MTURN: variants seen among roughly 807,000 people sequenced by gnomAD.
MTURN encodes maturin, neural progenitor differentiation regulator homolog, also known as maturin.
Under a neutral mutation model 14.9 loss-of-function variants are expected in MTURN, and 7 were observed. The observed-to-expected ratio is 0.47, with a 90% CI of 0.27 to 0.88. MTURN has a LOEUF of 0.88. Ranked by LOEUF, MTURN falls within the 40% of genes least tolerant of loss-of-function variation. The pLI is 0.14. For synonymous variants in MTURN, 69 were observed against 72.5 expected (o/e 0.95, Z 0.25); for missense variants, 151 against 174.1 (o/e 0.87, Z 0.75).
intron 1 of MTURN, 42 bp from the exon 2 acceptor site, chr7:30,146,133 CTG>C (rs1305931472): frequency 6.2e-7 from 1 of 1,612,238 alleles, no homozygotes; most frequent in African/African-American, 1.3e-5. Context: ...AGTGTAGTGA[CTG>C]TGTGTCTTTG....
At chr7:30,143,868 G>A (rs530566933) in intron 1 of MTURN, among the ~76,000 whole-genome samples, 1 of 152,312 alleles carries the variant, frequency 6.6e-6, no homozygotes, top group East Asian at 1.9e-4. Flanking sequence ...TTCTGTTATT[G>A]TTTGAGTGAT....
intron 1 of MTURN, among the ~76,000 whole-genome samples, chr7:30,145,099 C>A (rs983729832): frequency 5.3e-5 from 8 of 152,224 alleles, no homozygotes; most frequent in African/African-American, 1.9e-4. Context: ...ATGCTCAAAC[C>A]TATTTCTTGG....
chr7:30,159,298 A>G lies in MTURN; in HGVS notation c.*1750A>G, dbSNP rs1447974723. The G allele has an allele frequency of 6.6e-6, 1 of 152,172 alleles. No individual in the cohort carries two copies. Among genetic ancestry groups the G allele is most frequent in the East Asian group, 1.9e-4 (1 of 5,198 alleles). The allele number at this position is 152,172 out of a possible 1,614,324, so 9.4% of individuals were successfully genotyped here. A position where few individuals can be genotyped will look rare whatever the true frequency, so the allele number is the denominator to read the frequency against. ...CCCTGCCTGTGTTCTGATTGGCTCC[A>G]TTCATGAGCAAAGGTGATTGTGAGC... On this transcript the variant is annotated 3_prime_UTR_variant, in exon 3 of 3. Coordinates refer to ENST00000324453, the MANE Select transcript of MTURN (RefSeq NM_152793.3).
At chr7:30,156,790 A>C (rs928669310) in intron 2 of MTURN, among the ~76,000 whole-genome samples, 1 of 151,322 alleles carries the variant, frequency 6.6e-6, no homozygotes, top group African/African-American at 2.4e-5. Flanking sequence ...GCGCCACTGC[A>C]CTCCAACCTG....
At chr7:30,154,587 T>C (rs1797258000) in intron 2 of MTURN, among the ~76,000 whole-genome samples, 1 of 152,226 alleles carries the variant, frequency 6.6e-6, no homozygotes, top group East Asian at 1.9e-4. Flanking sequence ...GCAGGTATCA[T>C]GGCGCTTTAC....
intron 2 of MTURN, among the ~76,000 whole-genome samples, chr7:30,146,554 G>T (rs1272073567): frequency 6.6e-6 from 1 of 152,114 alleles, no homozygotes; most frequent in Non-Finnish European, 1.5e-5. Flanking sequence ...CCTGATGGGG[G>T]GGGAAGCAAA....
At chr7:30,139,438 A>G (rs2893363) in intron 1 of MTURN, among the ~76,000 whole-genome samples, 110,998 of 152,122 alleles carry the variant, frequency 0.73, 41,501 homozygotes, top group East Asian at 0.94. Flanking sequence ...ATAGCCCTGT[A>G]TTTAATGCAT....
At chr7:30,149,893 C>T (rs910063468) in intron 2 of MTURN, among the ~76,000 whole-genome samples, 5 of 152,192 alleles carry the variant, frequency 3.3e-5, no homozygotes, top group African/African-American at 1.2e-4. Flanking sequence ...CTGCCTACTG[C>T]ACTCTACTGG....
rs150790071 is a variant in MTURN at position 30,138,177 on chromosome 7, G to A, written c.162+2879G>A. ...GTCGCCCAGGCTGGAGTGTAGTGGC[G>A]TAATCTTGGCTCACTGCACCCTCTG... On this transcript the variant is annotated intron_variant, in intron 1 of 2. Transcript: ENST00000324453. 6.5e-3 allele frequency among the ~76,000 whole-genome samples: 986 copies of A among 152,096 alleles called. 6 individuals are homozygous for A. The highest frequency in any genetic ancestry group is 0.027 in the South Asian group (132 of 4,806).
intron 1 of MTURN, among the ~76,000 whole-genome samples, chr7:30,142,647 AC>A: frequency 6.6e-6 from 1 of 152,324 alleles, no homozygotes; most frequent in Admixed American, 6.5e-5. Flanking sequence ...TTTGAGTGAT[AC>A]ACTTTTCTCA....
chr7:30,156,686 A>G (rs112589745), intron 2 of MTURN, among the ~76,000 whole-genome samples: 19,333 of 152,008 alleles, frequency 0.13, 1,357 homozygotes, highest in African/African-American at 0.17. Context: ...TTAGCTGGGC[A>G]TGGTGGTGTG....
intron 2 of MTURN, among the ~76,000 whole-genome samples, chr7:30,157,161 C>G (rs776919227): frequency 6.6e-5 from 10 of 152,170 alleles, no homozygotes; most frequent in Non-Finnish European, 1.5e-4. Context: ...GGGCACATAG[C>G]TAGCTCTCTG....
chr7:30,158,875 G>A lies in MTURN; in HGVS notation c.*1327G>A, dbSNP rs960325113. 2 of 152,120 alleles carry A rather than the reference G, an allele frequency of 1.3e-5. No homozygotes were observed. Among genetic ancestry groups the A allele is most frequent in the African/African-American group, 4.8e-5 (2 of 41,418 alleles). The allele number at this position is 152,120 out of a possible 1,614,324, so 9.4% of individuals were successfully genotyped here. A position where few individuals can be genotyped will look rare whatever the true frequency, so the allele number is the denominator to read the frequency against. ...AGATTAAACCTAGCATCTGGGGTGG[G>A]TACGTTTAAACAGTCACACATGTGC... On this transcript the variant is annotated 3_prime_UTR_variant, in exon 3 of 3. Coordinates refer to ENST00000324453, the MANE Select transcript of MTURN (RefSeq NM_152793.3).
intron 2 of MTURN, among the ~76,000 whole-genome samples, chr7:30,155,954 G>C (rs1379756658): frequency 6.6e-6 from 1 of 152,200 alleles, no homozygotes; most frequent in Non-Finnish European, 1.5e-5. Context: ...GATGCAGTTA[G>C]TGTTTAGATC....
chr7:30,144,590 G>A (rs752320715), intron 1 of MTURN, among the ~76,000 whole-genome samples: 15 of 152,166 alleles, frequency 9.9e-5, no homozygotes, highest in Non-Finnish European at 1.9e-4. Context: ...TATTGGGTTG[G>A]GGAAGCCTCT....
intron 1 of MTURN, chr7:30,145,821 T>A: frequency 6.5e-7 from 1 of 1,528,974 alleles, no homozygotes; most frequent in East Asian, 2.4e-5. Context: ...AGGCAAAGGC[T>A]CTGGTTTCTC....
chr7:30,137,603 G>A, intron 1 of MTURN: 1 of 471,180 alleles, frequency 2.1e-6, no homozygotes. Flanking sequence ...TGGGTAGAAT[G>A]GAACTTTCTC....
At chr7:30,146,428 CT>C in intron 2 of MTURN, 129 bp downstream of exon 2, 1 of 1,322,588 alleles carries the variant, frequency 7.6e-7, no homozygotes, top group Non-Finnish European at 1.0e-6. Flanking sequence ...TGTCCTGTGG[CT>C]TAGAGATAGC....
chr7:30,143,467 G>A (rs1797084601), intron 1 of MTURN, among the ~76,000 whole-genome samples: 1 of 151,506 alleles, frequency 6.6e-6, no homozygotes, highest in Non-Finnish European at 1.5e-5. Context: ...AATTTAAATG[G>A]AACACCTCCT....
Sources: allele counts gnomAD v4.1 joint callset (sites outside exome capture counted in the v4.1 genomes callset), GRCh38; gene constraint gnomAD v4.1.1; transcripts MANE v1.5; gene names NCBI Gene and HGNC (gene_info 2026-07-23, HGNC 2026-07-21).